Variants in SYCE1L observed in about 807,000 individuals in gnomAD.
SYCE1L encodes synaptonemal complex central element protein 1 like, also known as synaptonemal complex central element protein 1-like.
In SYCE1L, 51 loss-of-function variants were observed where a neutral mutation model predicts 39.6. The ratio of observed to expected loss-of-function variants is 1.29; its 90% CI spans 1.03 to 1.63. SYCE1L has a LOEUF of 1.63. SYCE1L is among the 40% of genes most tolerant of loss of function. The pLI is 0.00. For synonymous variants in SYCE1L, 147 were observed against 122.4 expected (o/e 1.20, Z -1.33); for missense variants, 426 against 304.9 (o/e 1.40, Z -2.96).
At chr16:77,211,836 G>A (rs1363227397) in intron 7 of SYCE1L, among the ~76,000 whole-genome samples, 1 of 152,138 alleles carries the variant, frequency 6.6e-6, no homozygotes, top group Non-Finnish European at 1.5e-5. Flanking sequence ...GCAGAAGGAA[G>A]GCCCTGGGGC....
At chr16:77,200,046 C>G (rs1597380084) in intron 1 of SYCE1L, 1 of 149,032 alleles carries the variant, frequency 6.7e-6, no homozygotes, top group South Asian at 2.1e-4. Flanking sequence ...AAAAAAAAAT[C>G]TCAGGCCGGG....
intron 3 of SYCE1L, 25 bp from the exon 4 acceptor site, chr16:77,208,440 G>T (rs748970121): frequency 6.4e-7 from 1 of 1,551,484 alleles, no homozygotes; most frequent in African/African-American, 1.4e-5. Context: ...CACTCATACA[G>T]TGTCTTTTTC....
At chr16:77,206,603 A>T in intron 2 of SYCE1L, 103 bp downstream of exon 2, 1 of 1,125,400 alleles carries the variant, frequency 8.9e-7, no homozygotes. Flanking sequence ...AAATTATCCC[A>T]TTGCACTTTC....
rs2054801286 is a variant in SYCE1L at position 77,208,499 on chromosome 16, C to G, written c.216C>G (p.Thr72=). The part of the protein sequence containing the change: ...KKKSSEELRE[T]HSLWEALHRE... ...AATCCAGTGAGGAACTGAGAGAGAC[C>G]CACAGTCTCTGGGAGGCCCTGCATA... The change falls in exon 4 of 11, where the codon ACC becomes ACG. Residue 72 remains threonine, a synonymous_variant. Transcript: ENST00000378644. The G allele has an allele frequency of 6.4e-7, 1 of 1,551,516 alleles. No homozygotes were observed. Among genetic ancestry groups the G allele is most frequent in the Non-Finnish European group, 8.7e-7 (1 of 1,147,006 alleles).
rs1395917094 is a variant in SYCE1L at position 77,206,499 on chromosome 16, AG to A, written c.121+1del. 3 of 1,551,744 alleles carry A rather than the reference AG, an allele frequency of 1.9e-6. No individual in the cohort carries two copies. In the Admixed American group the frequency reaches 5.9e-5, roughly 30 times the overall value. ...LLAMVIKLQK[E>X]GSLEPQIEDL... ...TGGCAATGGTGATAAAGCTGCAGAA[AG>A]GTCATGTGTCTCTTTGTTTCTGAGC... On this transcript the variant is annotated frameshift_variant and splice_region_variant, in exon 2 of 11. Transcript: ENST00000378644. LOFTEE classifies it high-confidence loss of function.
At chr16:77,202,914 G>T (rs994635524) in intron 1 of SYCE1L, among the ~76,000 whole-genome samples, 118 of 125,052 alleles carry the variant, frequency 9.4e-4, no homozygotes, top group African/African-American at 2.7e-3. Flanking sequence ...TCATAATAAG[G>T]TATTAAAAAT....
At chr16:77,205,795 C>T (rs974891391) in intron 1 of SYCE1L, among the ~76,000 whole-genome samples, 2 of 152,058 alleles carry the variant, frequency 1.3e-5, no homozygotes, top group Admixed American at 6.6e-5. Flanking sequence ...CTTCATCAGC[C>T]GTGTTGTGTT....
intron 1 of SYCE1L, chr16:77,200,291 T>TGTGTATATATATATATATACACACAC (rs1555502425): frequency 1.3e-4 from 14 of 111,438 alleles, no homozygotes; most frequent in South Asian, 8.1e-4. Context: ...TATATATATA[T>TGTGTATATATATATATATACACACAC]ACACACACTA....
chr16:77,199,571 G>T, intron 1 of SYCE1L, 59 bp downstream of exon 1: 3 of 1,272,272 alleles, frequency 2.4e-6, no homozygotes, highest in Non-Finnish European at 2.2e-6. Context: ...AAGGAGGGAG[G>T]ATTCGTCCCA....
chr16:77,201,871 A>AGATC (rs2054747312), intron 1 of SYCE1L: 1 of 152,190 alleles, frequency 6.6e-6, no homozygotes, highest in East Asian at 1.9e-4. Flanking sequence ...GCTCCAAAAG[A>AGATC]GATCGTATTT....
chr16:77,209,551 T>G, intron 6 of SYCE1L, 80 bp downstream of exon 6: 3 of 1,476,076 alleles, frequency 2.0e-6, no homozygotes, highest in Non-Finnish European at 2.8e-6. Context: ...GAAATGAATC[T>G]TGGACACAGA....
chr16:77,211,496 G>A (rs2054822315), intron 7 of SYCE1L, among the ~76,000 whole-genome samples: 1 of 152,062 alleles, frequency 6.6e-6, no homozygotes, highest in African/African-American at 2.4e-5. Context: ...TGCCCAGACG[G>A]GTGCAGTACC....
intron 2 of SYCE1L, among the ~76,000 whole-genome samples, chr16:77,207,754 C>T (rs1449157891): frequency 3.3e-5 from 5 of 152,184 alleles, no homozygotes; most frequent in Non-Finnish European, 7.3e-5. Flanking sequence ...ACCAGCCCCT[C>T]ACTGTTACTT....
intron 1 of SYCE1L, chr16:77,202,367 C>T (rs1129680): frequency 6.6e-6 from 1 of 151,960 alleles, no homozygotes; most frequent in Non-Finnish European, 1.5e-5. Context: ...TGTACATCTG[C>T]AATTGTTTCA....
At chr16:77,202,134 C>T (rs1310309053) in intron 1 of SYCE1L, 3 of 151,988 alleles carry the variant, frequency 2.0e-5, no homozygotes, top group Non-Finnish European at 2.9e-5. Flanking sequence ...TTGAATGGCA[C>T]CTGAGGATCC....
intron 1 of SYCE1L, among the ~76,000 whole-genome samples, chr16:77,204,649 A>G (rs1175711855): frequency 6.6e-6 from 1 of 152,240 alleles, no homozygotes; most frequent in Non-Finnish European, 1.5e-5. Flanking sequence ...GTGGAATGCC[A>G]TGCAGCCACT....
intron 1 of SYCE1L, chr16:77,201,027 A>G (rs1358930799): frequency 6.6e-6 from 1 of 152,196 alleles, no homozygotes; most frequent in East Asian, 1.9e-4. Flanking sequence ...CTACCCATAC[A>G]GACATCAAAG....
At position 77,212,218 on chromosome 16, in the gene SYCE1L, G is replaced by A; in HGVS notation, c.493+19G>A. ...TCGGAGAGTGAGCCTCCCGCGCCAG[G>A]TGGGCGGGGGGAGGGGGATGTGCCC... On this transcript the variant is annotated intron_variant, in intron 8 of 10. Transcript: ENST00000378644. 2 of 1,544,980 alleles carry A rather than the reference G, an allele frequency of 1.3e-6. No homozygotes were observed. The highest frequency in any genetic ancestry group is 1.7e-6 in the Non-Finnish European group (2 of 1,144,438).
At position 77,211,264 on chromosome 16, in the gene SYCE1L, C is replaced by T; in HGVS notation, c.411C>T (p.Leu137=). The change falls in exon 7 of 11, where the codon CTC becomes CTT. Residue 137 remains leucine, a synonymous_variant. Transcript: ENST00000378644. ...LEDLMGQHKD[L]WEFHMLEQRL... is the part of the protein sequence containing the mutation. ...ATCTGATGGGCCAGCACAAGGACCT[C>T]TGGGAATTCCACGTGAGCCATTATC... is the stretch of plus-strand genomic sequence containing the variant. 4.5e-6 allele frequency: 7 copies of T among 1,551,948 alleles called. No individual in the cohort carries two copies. The highest frequency in any genetic ancestry group is 6.1e-6 in the Non-Finnish European group (7 of 1,147,044).
Sources: allele counts gnomAD v4.1 joint callset (sites outside exome capture counted in the v4.1 genomes callset), GRCh38; gene constraint gnomAD v4.1.1; transcripts MANE v1.5; gene names NCBI Gene and HGNC (gene_info 2026-07-23, HGNC 2026-07-21).